PAPPA: variants seen among roughly 807,000 people sequenced by gnomAD.
PAPPA encodes pappalysin 1.
In PAPPA, 60 loss-of-function variants were observed where a neutral mutation model predicts 164.0. That is an observed-to-expected ratio of 0.37 (90% CI 0.30 to 0.45). The LOEUF is 0.45. Ranked by LOEUF, PAPPA falls within the 20% of genes least tolerant of loss-of-function variation. The pLI, the probability that PAPPA is intolerant of heterozygous loss-of-function variation, is 1.00. For synonymous variants in PAPPA, 875 were observed against 814.1 expected (o/e 1.07, Z -1.27); for missense variants, 1,782 against 2,087.3 (o/e 0.85, Z 2.85).
At chr9:116,201,151 T>C (rs919659787) in intron 2 of PAPPA, among the ~76,000 whole-genome samples, 1 of 152,172 alleles carries the variant, frequency 6.6e-6, no homozygotes, top group Non-Finnish European at 1.5e-5. Flanking sequence ...GCCCTTGGGA[T>C]AAAGAACAAA....
At chr9:116,302,664 T>G in intron 9 of PAPPA, 93 bp from the exon 10 acceptor site, 1 of 953,934 alleles carries the variant, frequency 1.0e-6, no homozygotes, top group South Asian at 1.6e-5. Flanking sequence ...TACCAATGGT[T>G]TTGGTGGTCT....
intron 21 of PAPPA, among the ~76,000 whole-genome samples, chr9:116,392,096 G>A (rs978960863): frequency 6.6e-6 from 1 of 152,188 alleles, no homozygotes; most frequent in Non-Finnish European, 1.5e-5. Context: ...GTAAAATGGG[G>A]ATAGTAAGAA....
At chr9:116,240,261 CAAG>C (rs1247882078) in intron 7 of PAPPA, among the ~76,000 whole-genome samples, 6 of 152,174 alleles carry the variant, frequency 3.9e-5, no homozygotes, top group African/African-American at 1.4e-4. Flanking sequence ...GCTGAAAACT[CAAG>C]GTGCTCACAG....
chr9:116,277,840 C>G (rs1465850715), intron 9 of PAPPA, among the ~76,000 whole-genome samples: 5 of 152,126 alleles, frequency 3.3e-5, no homozygotes, highest in African/African-American at 1.2e-4. Context: ...CCACACCCAG[C>G]TACTTTTTGT....
chr9:116,362,150 T>C (rs1846435828), intron 17 of PAPPA, among the ~76,000 whole-genome samples: 1 of 152,196 alleles, frequency 6.6e-6, no homozygotes, highest in Admixed American at 6.5e-5. Flanking sequence ...TGACATAGGA[T>C]ACTTTCTCAC....
intron 13 of PAPPA, among the ~76,000 whole-genome samples, chr9:116,343,068 G>A (rs1252293753): frequency 1.3e-5 from 2 of 152,170 alleles, no homozygotes; most frequent in Non-Finnish European, 2.9e-5. Context: ...AAGGCCTTTG[G>A]AGTCACCCCT....
chr9:116,342,797 G>A (rs1003353173), intron 13 of PAPPA, among the ~76,000 whole-genome samples: 1 of 152,130 alleles, frequency 6.6e-6, no homozygotes, highest in African/African-American at 2.4e-5. Flanking sequence ...CATACGATAG[G>A]CCAGGTGTTG....
intron 15 of PAPPA, among the ~76,000 whole-genome samples, chr9:116,350,331 C>G (rs534651492): frequency 9.9e-5 from 15 of 152,262 alleles, no homozygotes; most frequent in South Asian, 2.1e-4. Context: ...ATTGTAGATG[C>G]AGGGTAGTGG....
intron 2 of PAPPA, among the ~76,000 whole-genome samples, chr9:116,190,999 T>C (rs73654668): frequency 4.9e-4 from 70 of 143,598 alleles, no homozygotes; most frequent in African/African-American, 1.7e-3. Flanking sequence ...TTTTGCTTTG[T>C]GAATTTAAAC....
chr9:116,377,715 T>C lies in PAPPA; in HGVS notation c.4677+68T>C, dbSNP rs141910672. On this transcript the variant is annotated intron_variant, in intron 20 of 21. Coordinates refer to ENST00000328252, the MANE Select transcript of PAPPA (RefSeq NM_002581.5). Reference sequence around the variant, plus strand: ...CCTGCTGTTGTTATTGTTATTGTTATATTAATGTTGGCTATCCTTTGCCAT... The same window carrying C: ...CCTGCTGTTGTTATTGTTATTGTTACATTAATGTTGGCTATCCTTTGCCAT... 186 of 1,209,034 alleles carry C rather than the reference T, an allele frequency of 1.5e-4. 1 individual carries two copies. The East Asian group carries it at 4.1e-3, about 27-fold the overall frequency. 74.9% of individuals were successfully genotyped at this position (1,209,034 alleles called of 1,614,324 possible).
At chr9:116,390,468 A>C (rs1482040626) in intron 21 of PAPPA, among the ~76,000 whole-genome samples, 3 of 152,210 alleles carry the variant, frequency 2.0e-5, no homozygotes, top group African/African-American at 7.2e-5. Flanking sequence ...TTATCACCCA[A>C]GCCAGGGAGA....
At chr9:116,241,440 A>G (rs1022913817) in intron 7 of PAPPA, among the ~76,000 whole-genome samples, 22 of 152,180 alleles carry the variant, frequency 1.4e-4, no homozygotes, top group Admixed American at 1.0e-3. Flanking sequence ...AGTGTCCCCC[A>G]GTAACTTATA....
intron 9 of PAPPA, among the ~76,000 whole-genome samples, chr9:116,291,742 A>T (rs892577053): frequency 1.3e-5 from 2 of 152,054 alleles, no homozygotes; most frequent in Non-Finnish European, 2.9e-5. Flanking sequence ...AATGGAAAAG[A>T]TGCACTTTGA....
chr9:116,210,388 G>C (rs1161806744), intron 3 of PAPPA, among the ~76,000 whole-genome samples: 1 of 152,078 alleles, frequency 6.6e-6, no homozygotes, highest in Non-Finnish European at 1.5e-5. Flanking sequence ...CACCATTCCA[G>C]AGGTTCAGTC....
chr9:116,271,552 C>A lies in PAPPA; in HGVS notation c.2953+136C>A. Reference sequence around the variant, plus strand: ...TATTACACCTGTTTATTGAGTGCCTCCTACATGCCAGGCACTGTTTTCAAT... The same window carrying A: ...TATTACACCTGTTTATTGAGTGCCTACTACATGCCAGGCACTGTTTTCAAT... On this transcript the variant is annotated intron_variant, in intron 9 of 21. Transcript: ENST00000328252. This position sits in a 1 kb window ranked among gnomAD's most constrained non-coding sequence, Gnocchi z 4.2. 1.5e-6 allele frequency: 1 copy of A among 677,698 alleles called. No homozygotes were observed. The highest frequency in any genetic ancestry group is 2.6e-6 in the Non-Finnish European group (1 of 383,442). The allele number at this position is 677,698 out of a possible 1,614,324, so 42.0% of individuals were successfully genotyped here.
intron 1 of PAPPA, among the ~76,000 whole-genome samples, chr9:116,182,862 C>T (rs1843923594): frequency 6.6e-6 from 1 of 152,168 alleles, no homozygotes; most frequent in Non-Finnish European, 1.5e-5. Context: ...ATGGCAGGCT[C>T]CTTTCCTGCT....
At chr9:116,259,082 A>G (rs13300199) in intron 7 of PAPPA, among the ~76,000 whole-genome samples, 27,004 of 151,764 alleles carry the variant, frequency 0.18, 2,541 homozygotes, top group Middle Eastern at 0.3. Flanking sequence ...GCAGTAAGCC[A>G]AGATTGCTCC....
At chr9:116,219,185 G>A (rs1844412055) in intron 4 of PAPPA, among the ~76,000 whole-genome samples, 1 of 152,134 alleles carries the variant, frequency 6.6e-6, no homozygotes, top group Non-Finnish European at 1.5e-5. Flanking sequence ...TCGCCTGCCT[G>A]TCCCTGCACC....
Position 116,154,734 on chromosome 9 carries a change from C to A in PAPPA, c.415+147C>A, listed in dbSNP as rs964543047. 7 of 992,854 alleles carry A rather than the reference C, an allele frequency of 7.1e-6. No homozygotes were observed. The African/African-American group carries it at 8.4e-5, about 12-fold the overall frequency. The allele number at this position is 992,854 out of a possible 1,614,324, so 61.5% of individuals were successfully genotyped here. On this transcript the variant is annotated intron_variant, in intron 1 of 21. Transcript: ENST00000328252. The surrounding 1 kb of genome is among the most constrained non-coding windows in gnomAD (Gnocchi z 5.2). ...CGCGAGCGGCGCAGAGACATCCGGG[C>A]GAGCTGAGAGCCTCACTTTGCTCCA...
Sources: allele counts gnomAD v4.1 joint callset (sites outside exome capture counted in the v4.1 genomes callset), GRCh38; gene constraint gnomAD v4.1.1; non-coding constraint Gnocchi (gnomAD v3.1); transcripts MANE v1.5; gene names NCBI Gene and HGNC (gene_info 2026-07-23, HGNC 2026-07-21).